Variants in MDGA2 observed in about 807,000 individuals in gnomAD.
MDGA2 encodes MAM domain-containing glycosylphosphatidylinositol anchor protein 2.
A neutral mutation model predicts 117.8 loss-of-function variants in MDGA2; 40 were observed. The observed-to-expected ratio is 0.34, with a 90% CI of 0.26 to 0.44. The LOEUF is 0.44. Ranked by LOEUF, MDGA2 falls within the 20% of genes least tolerant of loss-of-function variation. MDGA2 has a pLI of 1.00. For missense variants in MDGA2, 1,123 were observed against 1,250.6 expected (o/e 0.90, Z 1.54); for synonymous variants, 452 against 439.0 (o/e 1.03, Z -0.37).
In MDGA2 at chr14:47,240,400, G is replaced by A. The variant is rs902665464; in HGVS notation, c.421-22205C>T. ...CTTGTCATGTTCAGTTTCTTGAACC[G>A]GGTTATAGGAGTGTGTTAAGTTATG... On this transcript the variant is annotated intron_variant, in intron 2 of 16. Coordinates refer to ENST00000399232, the MANE Select transcript of MDGA2 (RefSeq NM_001113498.3). 1.5e-4 allele frequency among the ~76,000 whole-genome samples: 23 copies of A among 151,732 alleles called. 1 individual carries two copies. The highest frequency in any genetic ancestry group is 5.6e-4 in the African/African-American group (23 of 41,362).
chr14:47,624,001 G>A (rs189248384), intron 1 of MDGA2, among the ~76,000 whole-genome samples: 1 of 152,280 alleles, frequency 6.6e-6, no homozygotes, highest in Admixed American at 6.5e-5. Flanking sequence ...GTATGCTCAG[G>A]AGGTTATTAA....
intron 1 of MDGA2, among the ~76,000 whole-genome samples, chr14:47,473,737 A>G (rs1242472804): frequency 6.6e-6 from 1 of 152,184 alleles, no homozygotes; most frequent in Admixed American, 6.5e-5. Context: ...AATTATCTCA[A>G]TAGACACAGA....
At chr14:47,059,335 GT>G in intron 7 of MDGA2, 1 of 1,274,676 alleles carries the variant, frequency 7.8e-7, no homozygotes, top group Non-Finnish European at 1.0e-6. Flanking sequence ...CAGGGGTAGT[GT>G]TTTGGAAGAA....
chr14:47,128,177 A>G (rs915743637), intron 5 of MDGA2, among the ~76,000 whole-genome samples: 4 of 152,172 alleles, frequency 2.6e-5, no homozygotes, highest in African/African-American at 7.2e-5. Context: ...TTCTCAAAAC[A>G]ATCCAGTGAG....
chr14:47,587,879 C>A (rs1368018328), intron 1 of MDGA2, among the ~76,000 whole-genome samples: 1 of 151,880 alleles, frequency 6.6e-6, no homozygotes, highest in African/African-American at 2.4e-5. Flanking sequence ...CTTTCCATTT[C>A]TCTTGCCACC....
intron 1 of MDGA2, among the ~76,000 whole-genome samples, chr14:47,325,144 T>C (rs1159917753): frequency 6.6e-6 from 1 of 152,176 alleles, no homozygotes; most frequent in Non-Finnish European, 1.5e-5. Context: ...GATATGGGTA[T>C]GAAAAGTGGT....
At chr14:47,435,595 T>C (rs1472562182) in intron 1 of MDGA2, among the ~76,000 whole-genome samples, 1 of 152,156 alleles carries the variant, frequency 6.6e-6, no homozygotes, top group Non-Finnish European at 1.5e-5. Context: ...TACTGTGGCC[T>C]TCATAATAAT....
intron 5 of MDGA2, among the ~76,000 whole-genome samples, chr14:47,103,841 T>C (rs920878265): frequency 2.6e-5 from 4 of 152,220 alleles, no homozygotes; most frequent in East Asian, 3.9e-4. Flanking sequence ...TTGTTCTCCC[T>C]AGTGCAATAG....
At chr14:47,010,652 G>T (rs578203110) in intron 8 of MDGA2, among the ~76,000 whole-genome samples, 109 of 151,986 alleles carry the variant, frequency 7.2e-4, no homozygotes, top group Non-Finnish European at 1.2e-3. Flanking sequence ...TTGTATTGTT[G>T]ACTCGCCTAA....
At chr14:47,032,660 T>G (rs1888704170) in intron 8 of MDGA2, among the ~76,000 whole-genome samples, 1 of 152,180 alleles carries the variant, frequency 6.6e-6, no homozygotes, top group African/African-American at 2.4e-5. Flanking sequence ...CCTGTACTAT[T>G]AGTTTTGCAA....
At chr14:47,454,192 C>T (rs1349560921) in intron 1 of MDGA2, among the ~76,000 whole-genome samples, 1 of 152,168 alleles carries the variant, frequency 6.6e-6, no homozygotes, top group African/African-American at 2.4e-5. Flanking sequence ...GACACTTCAT[C>T]TCATCCAGGG....
At chr14:46,842,620 G>A (rs956053613) in intron 16 of MDGA2, among the ~76,000 whole-genome samples, 13 of 152,212 alleles carry the variant, frequency 8.5e-5, no homozygotes, top group Admixed American at 6.5e-4. Context: ...GGCCTGGAAA[G>A]TCCTACTGTA....
At chr14:47,255,205 G>A (rs1887578642) in intron 2 of MDGA2, among the ~76,000 whole-genome samples, 1 of 152,202 alleles carries the variant, frequency 6.6e-6, no homozygotes, top group Non-Finnish European at 1.5e-5. Context: ...TAAAGAGATT[G>A]TAAATTGACA....
chr14:47,548,298 T>G (rs1229996532), intron 1 of MDGA2, among the ~76,000 whole-genome samples: 1 of 152,158 alleles, frequency 6.6e-6, no homozygotes, highest in Non-Finnish European at 1.5e-5. Context: ...ATAGTTTGTT[T>G]TGACTTTTTT....
rs1187873410 is a variant in MDGA2, at chr14:47,675,258, C to T, written c.-462G>A. Among the ~76,000 whole-genome samples the T allele has an allele frequency of 6.6e-6, 1 of 152,010 alleles. No individual in the cohort carries two copies. The highest frequency in any genetic ancestry group is 1.5e-5 in the Non-Finnish European group (1 of 67,986). On this transcript the variant is annotated 5_prime_UTR_variant, in exon 1 of 17. The change abolishes an upstream ATG in the 5' untranslated region. Coordinates refer to ENST00000399232, the MANE Select transcript of MDGA2 (RefSeq NM_001113498.3). ...TGCCTTCCCCCATTCCATCAGTTGC[C>T]ATTGCAACGCCAATCCTGTTACACG...
chr14:47,171,239 T>C (rs71418148), intron 3 of MDGA2, among the ~76,000 whole-genome samples: 1 of 152,122 alleles, frequency 6.6e-6, no homozygotes, highest in Admixed American at 6.5e-5. Context: ...AAATATAGAA[T>C]GTACAATGAG....
At chr14:47,010,396 A>G (rs542226180) in intron 8 of MDGA2, among the ~76,000 whole-genome samples, 3 of 152,188 alleles carry the variant, frequency 2.0e-5, no homozygotes, top group Admixed American at 2.0e-4. Flanking sequence ...TTAAAGCTGA[A>G]TGTATACACT....
At chr14:47,489,906 A>G (rs1467339985) in intron 1 of MDGA2, among the ~76,000 whole-genome samples, 1 of 152,060 alleles carries the variant, frequency 6.6e-6, no homozygotes, top group East Asian at 1.9e-4. Context: ...CACTTTCTGA[A>G]AACAAGGTTA....
intron 10 of MDGA2, among the ~76,000 whole-genome samples, chr14:46,889,906 G>A (rs560626198): frequency 3.3e-5 from 5 of 152,100 alleles, no homozygotes; most frequent in African/African-American, 1.2e-4. Flanking sequence ...TCCTACTCTG[G>A]TGGGTTGTAG....
Sources: gnomAD v4.1 joint callset for allele counts (sites outside exome capture counted in the v4.1 genomes callset) on GRCh38, gnomAD v4.1.1 for gene constraint, MANE v1.5 for transcripts, NCBI Gene and HGNC (gene_info 2026-07-23, HGNC 2026-07-21) for gene names.